Variants in PDE11A observed in about 807,000 individuals in gnomAD.
The protein encoded by PDE11A is dual 3',5'-cyclic-AMP and -GMP phosphodiesterase 11A.
PDE11A carries 100 observed loss-of-function variants against 100.5 expected under a neutral mutation model. That is an observed-to-expected ratio of 1.00 (90% CI 0.85 to 1.18). PDE11A has a LOEUF of 1.18. Among genes scored for constraint, PDE11A ranks in the 50% most tolerant of loss-of-function variants. The probability of loss-of-function intolerance (pLI) is 0.00; values close to 1 mark genes in which losing one functional copy is unlikely to be tolerated. For synonymous variants in PDE11A, 381 were observed against 420.8 expected, an observed-to-expected ratio of 0.91 and a Z score of 1.16; for missense variants, 1,141 against 1,152.6, an observed-to-expected ratio of 0.99 and a Z score of 0.15.
intron 4 of PDE11A, among the ~76,000 whole-genome samples, chr2:177,891,401 C>G (rs1348125597): frequency 6.6e-6 from 1 of 152,162 alleles, no homozygotes; most frequent in African/African-American, 2.4e-5. Flanking sequence ...CATACTCACA[C>G]TGGTTATTAT....
chr2:177,960,139 G>C (rs2085613785), intron 2 of PDE11A, among the ~76,000 whole-genome samples: 2 of 151,706 alleles, frequency 1.3e-5, no homozygotes, highest in Admixed American at 6.6e-5. Context: ...GTCGCTTAAA[G>C]TTTCCATTAT....
At chr2:177,924,331 C>T (rs528476410) in intron 2 of PDE11A, among the ~76,000 whole-genome samples, 9 of 152,300 alleles carry the variant, frequency 5.9e-5, no homozygotes, top group Admixed American at 1.3e-4. Flanking sequence ...GAAATGCTGA[C>T]TACCAAGTAG....
chr2:177,985,165 T>C (rs1344661498), intron 2 of PDE11A, among the ~76,000 whole-genome samples: 2 of 152,266 alleles, frequency 1.3e-5, no homozygotes, highest in Non-Finnish European at 2.9e-5. Flanking sequence ...CTTCAATTGC[T>C]TCTGACAGTC....
chr2:177,956,495 A>G (rs1574306528), intron 2 of PDE11A, among the ~76,000 whole-genome samples: 1 of 152,166 alleles, frequency 6.6e-6, no homozygotes, highest in Non-Finnish European at 1.5e-5. Flanking sequence ...TGTGGAAGTC[A>G]GTGTGGTGAT....
At chr2:177,758,035 T>C (rs1383927688) in intron 10 of PDE11A, among the ~76,000 whole-genome samples, 1 of 151,756 alleles carries the variant, frequency 6.6e-6, no homozygotes, top group Non-Finnish European at 1.5e-5. Context: ...ACTCCTGTAA[T>C]CCTGTAATCC....
chr2:177,671,058 C>T (rs1414683041), intron 17 of PDE11A, among the ~76,000 whole-genome samples: 1 of 152,148 alleles, frequency 6.6e-6, no homozygotes, highest in African/African-American at 2.4e-5. Context: ...AGGAAATGGT[C>T]CCCTAAGGGT....
At chr2:177,897,155 A>ACTC (rs151137158) in intron 4 of PDE11A, among the ~76,000 whole-genome samples, 3,436 of 152,304 alleles carry the variant, frequency 0.023, 61 homozygotes, top group East Asian at 0.075. Context: ...TATTAAAGCA[A>ACTC]ATAATTGCTA....
chr2:178,010,216 T>G (rs2086259881), intron 2 of PDE11A, among the ~76,000 whole-genome samples: 1 of 152,230 alleles, frequency 6.6e-6, no homozygotes, highest in Admixed American at 6.5e-5. Flanking sequence ...GAACCTGCTT[T>G]GGAGACTTTC....
chr2:177,685,556 T>TC (rs1021723306), intron 15 of PDE11A, among the ~76,000 whole-genome samples: 20 of 152,244 alleles, frequency 1.3e-4, no homozygotes, highest in African/African-American at 4.3e-4. Flanking sequence ...TTCTCTTTTT[T>TC]TTGTTTTTTT....
At chr2:177,833,986 G>A (rs1235511266) in intron 6 of PDE11A, among the ~76,000 whole-genome samples, 2 of 152,202 alleles carry the variant, frequency 1.3e-5, no homozygotes, top group East Asian at 1.9e-4. Context: ...CCAGAAATTC[G>A]GGCCTAATGC....
At chr2:177,933,085 C>CAG (rs1303860850) in intron 2 of PDE11A, among the ~76,000 whole-genome samples, 1 of 150,836 alleles carries the variant, frequency 6.6e-6, no homozygotes, top group African/African-American at 2.4e-5. Flanking sequence ...CACACACACA[C>CAG]ACACAAATAA....
intron 1 of PDE11A, among the ~76,000 whole-genome samples, chr2:178,019,528 T>TA (rs939412634): frequency 3.9e-5 from 6 of 152,124 alleles, no homozygotes; most frequent in East Asian, 1.9e-4. Flanking sequence ...CTCTTTTATG[T>TA]AAAAAAAGCC....
At chr2:177,820,094 T>A (rs929625817) in intron 7 of PDE11A, 126 bp downstream of exon 7, 10 of 643,524 alleles carry the variant, frequency 1.6e-5, no homozygotes, top group African/African-American at 1.3e-4. Context: ...TATACGAGAG[T>A]GTGAGACATA....
At chr2:178,086,204 A>G (rs2087352989) in intron 2 of PDE11A, among the ~76,000 whole-genome samples, 1 of 152,220 alleles carries the variant, frequency 6.6e-6, no homozygotes, top group East Asian at 1.9e-4. Context: ...CGACCTTCCT[A>G]CATGGTGGTG....
intron 2 of PDE11A, among the ~76,000 whole-genome samples, chr2:177,996,231 TAAAA>T (rs71010848): frequency 6.8e-6 from 1 of 147,062 alleles, no homozygotes; most frequent in Non-Finnish European, 1.5e-5. Context: ...CCGTCTCAAA[TAAAA>T]AAAAAAAAAG....
chr2:177,847,420 G>T (rs1195306048), intron 5 of PDE11A, among the ~76,000 whole-genome samples: 2 of 152,144 alleles, frequency 1.3e-5, no homozygotes, highest in African/African-American at 2.4e-5. Context: ...CCAATACTAA[G>T]ATTTTCAGTT....
intron 9 of PDE11A, among the ~76,000 whole-genome samples, chr2:177,789,541 C>T (rs953893751): frequency 6.6e-6 from 1 of 151,248 alleles, no homozygotes; most frequent in African/African-American, 2.4e-5. Flanking sequence ...CTGGCCAGGA[C>T]AATTAGGCAG....
In PDE11A at chr2:178,054,942, A is replaced by T. The variant is rs368535402; in HGVS notation, c.912+16584T>A. Among the ~76,000 whole-genome samples, 9 of 152,238 alleles carry T rather than the reference A, an allele frequency of 5.9e-5. No homozygotes were observed. The South Asian group carries it at 1.7e-3, about 28-fold the overall frequency. Reference sequence around the variant, plus strand: ...AACCATTGTGGAAGACAGTGTGGCGATTCTTCAAGGATCTAGAACTAGAAA... The same window carrying T: ...AACCATTGTGGAAGACAGTGTGGCGTTTCTTCAAGGATCTAGAACTAGAAA... On this transcript the variant is annotated intron_variant, in intron 1 of 19. Transcript: ENST00000286063.
intron 2 of PDE11A, among the ~76,000 whole-genome samples, chr2:177,939,284 T>A (rs1470009921): frequency 4.1e-5 from 6 of 146,956 alleles, no homozygotes; most frequent in Non-Finnish European, 8.9e-5. Context: ...ACACTACAAC[T>A]AATAAAGCCA....
Sources: gnomAD v4.1 joint callset for allele counts (sites outside exome capture counted in the v4.1 genomes callset) on GRCh38, gnomAD v4.1.1 for gene constraint, MANE v1.5 for transcripts, NCBI Gene and HGNC (gene_info 2026-07-23, HGNC 2026-07-21) for gene names.